WDR27: variants seen among roughly 807,000 people sequenced by gnomAD.
WDR27 encodes the protein WD repeat domain 27.
Under a neutral mutation model 114.4 loss-of-function variants are expected in WDR27, and 100 were observed. That is an observed-to-expected ratio of 0.87 (90% CI 0.74 to 1.03). WDR27 has a LOEUF of 1.03. Ranked by LOEUF, WDR27 falls within the 50% of genes least tolerant of loss-of-function variation. The pLI is 0.00. For missense variants in WDR27, 1,129 were observed against 1,092.9 expected (o/e 1.03, Z -0.47); for synonymous variants, 449 against 423.1 (o/e 1.06, Z -0.75).
chr6:169,562,123 T>C (rs73790003), intron 25 of WDR27, among the ~76,000 whole-genome samples: 2,461 of 152,278 alleles, frequency 0.016, 61 homozygotes, highest in African/African-American at 0.057. Context: ...TCAGTGCCGC[T>C]GTCAATCCTG....
At chr6:169,677,973 T>C (rs2128308674) in intron 2 of WDR27, among the ~76,000 whole-genome samples, 3 of 152,338 alleles carry the variant, frequency 2.0e-5, no homozygotes, top group Admixed American at 2.0e-4. Flanking sequence ...TGAGAATGCC[T>C]GGGTGCCAAG....
intron 25 of WDR27, among the ~76,000 whole-genome samples, chr6:169,465,258 C>CAAAAGAAAAAAAA (rs1562450501): frequency 9.9e-6 from 1 of 101,218 alleles, no homozygotes; most frequent in Admixed American, 1.1e-4. Context: ...AACTCCATCT[C>CAAAAGAAAAAAAA]AAAAAAAAAA....
intron 24 of WDR27, among the ~76,000 whole-genome samples, chr6:169,581,410 C>T (rs1401754636): frequency 6.6e-6 from 1 of 152,050 alleles, no homozygotes; most frequent in South Asian, 2.1e-4. Context: ...AAATGCTATT[C>T]AAAGGATTAT....
At chr6:169,642,524 T>C (rs1416175269) in intron 17 of WDR27, among the ~76,000 whole-genome samples, 1 of 152,040 alleles carries the variant, frequency 6.6e-6, no homozygotes, top group Non-Finnish European at 1.5e-5. Context: ...AGGATAGATA[T>C]GAGGTGGGAC....
chr6:169,508,295 T>C (rs1386711013), intron 25 of WDR27, among the ~76,000 whole-genome samples: 1 of 152,182 alleles, frequency 6.6e-6, no homozygotes, highest in Non-Finnish European at 1.5e-5. Context: ...GCAAAGTAAC[T>C]TTCTGAATGG....
chr6:169,542,948 G>GT (rs1562556900), intron 25 of WDR27, among the ~76,000 whole-genome samples: 1 of 151,910 alleles, frequency 6.6e-6, no homozygotes, highest in Non-Finnish European at 1.5e-5. Flanking sequence ...TTGAGAAAAC[G>GT]TATCTTTTGT....
At chr6:169,549,217 A>T (rs1424386494) in intron 25 of WDR27, among the ~76,000 whole-genome samples, 2 of 152,256 alleles carry the variant, frequency 1.3e-5, no homozygotes, top group African/African-American at 4.8e-5. Flanking sequence ...TGGGCCAAAG[A>T]TGTCAACAGA....
At position 169,586,241 on chromosome 6, in the gene WDR27, C is replaced by T. The variant is rs142958864; in HGVS notation, c.2425-3307G>A. Among the ~76,000 whole-genome samples, 409 of 152,334 alleles carry T rather than the reference C, an allele frequency of 2.7e-3. 4 individuals are homozygous for T. The highest frequency in any genetic ancestry group is 8.3e-3 in the African/African-American group (346 of 41,576). On this transcript the variant is annotated intron_variant, in intron 23 of 25. Transcript: ENST00000448612. ...TCATGATTTCCTTGATTGGCCCTGT[C>T]ATAAATCCCGTGAGGTCATGCACAA...
intron 21 of WDR27, among the ~76,000 whole-genome samples, chr6:169,614,673 G>A (rs912947408): frequency 1.3e-5 from 2 of 150,794 alleles, no homozygotes; most frequent in African/African-American, 4.9e-5. Flanking sequence ...GGGCAACAGA[G>A]TGAGACTCCA....
At chr6:169,454,626 C>T (rs1409338297), downstream of WDR27, among the ~76,000 whole-genome samples, 1 of 152,226 alleles carries the variant, frequency 6.6e-6, no homozygotes, top group Non-Finnish European at 1.5e-5. Flanking sequence ...CATGTTCAGA[C>T]CACCCCCCTT....
At chr6:169,613,020 ACTAAGG>A (rs1810949084) in intron 22 of WDR27, among the ~76,000 whole-genome samples, 1 of 152,228 alleles carries the variant, frequency 6.6e-6, no homozygotes, top group Non-Finnish European at 1.5e-5. Flanking sequence ...TGCTGATAAA[ACTAAGG>A]TGCTTTCTAA....
At chr6:169,436,989 T>C in the WDR27 span, among the ~76,000 whole-genome samples, 1 of 152,156 alleles carries the variant, frequency 6.6e-6, no homozygotes, top group East Asian at 1.9e-4. Context: ...TTAAGACTTC[T>C]AATTAATATA....
At chr6:169,680,857 A>C (rs961000611) in intron 2 of WDR27, among the ~76,000 whole-genome samples, 1 of 152,236 alleles carries the variant, frequency 6.6e-6, no homozygotes, top group Admixed American at 6.5e-5. Context: ...GTTCAACAGG[A>C]CATAAAATAT....
At chr6:169,516,971 A>C (rs1793752773) in intron 25 of WDR27, among the ~76,000 whole-genome samples, 1 of 152,112 alleles carries the variant, frequency 6.6e-6, no homozygotes, top group Admixed American at 6.6e-5. Context: ...CAATGTGAGA[A>C]GGACCTGAGA....
chr6:169,695,175 G>T (rs1785552630), intron 1 of WDR27, among the ~76,000 whole-genome samples: 2 of 152,178 alleles, frequency 1.3e-5, no homozygotes, highest in Admixed American at 6.5e-5. Flanking sequence ...TTTTTCAAAA[G>T]ATCATTGGTG....
intron 25 of WDR27, among the ~76,000 whole-genome samples, chr6:169,561,160 C>T (rs1351765989): frequency 2.6e-5 from 4 of 152,104 alleles, no homozygotes; most frequent in Non-Finnish European, 4.4e-5. Context: ...AAGGTGCTGG[C>T]AGTGCCTGGT....
At chr6:169,678,068 GC>G (rs1189968610) in intron 2 of WDR27, among the ~76,000 whole-genome samples, 2 of 152,232 alleles carry the variant, frequency 1.3e-5, no homozygotes, top group African/African-American at 4.8e-5. Flanking sequence ...TGGAGTTGGA[GC>G]CCCCACACAG....
intron 21 of WDR27, among the ~76,000 whole-genome samples, chr6:169,622,164 G>A (rs554569056): frequency 2.6e-4 from 39 of 152,304 alleles, no homozygotes; most frequent in African/African-American, 9.1e-4. Flanking sequence ...GTGTCTTCCT[G>A]CCTTTGCTTC....
chr6:169,566,492 A>C (rs1488324025), intron 25 of WDR27, among the ~76,000 whole-genome samples: 1 of 152,206 alleles, frequency 6.6e-6, no homozygotes, highest in African/African-American at 2.4e-5. Context: ...CAAAATGACA[A>C]CTCAAACTAT....
Sources: gnomAD v4.1 joint callset for allele counts (sites outside exome capture counted in the v4.1 genomes callset) on GRCh38, gnomAD v4.1.1 for gene constraint, MANE v1.5 for transcripts, NCBI Gene and HGNC (gene_info 2026-07-23, HGNC 2026-07-21) for gene names.